PLCG2: variants seen among roughly 807,000 people sequenced by gnomAD.
PLCG2 encodes phospholipase C gamma 2, also known as 1-phosphatidylinositol 4,5-bisphosphate phosphodiesterase gamma-2.
A neutral mutation model predicts 175.6 loss-of-function variants in PLCG2; 69 were observed. The observed-to-expected ratio is 0.39, with a 90% CI of 0.32 to 0.48. The LOEUF is 0.48. PLCG2 is among the 20% of genes least tolerant of loss of function. The pLI is 0.91. For synonymous variants in PLCG2, 827 were observed against 624.0 expected (o/e 1.33, Z -4.85); for missense variants, 1,798 against 1,650.9 (o/e 1.09, Z -1.54).
intron 1 of PLCG2, among the ~76,000 whole-genome samples, chr16:81,747,007 C>A (rs1319299796): frequency 6.6e-6 from 1 of 152,144 alleles, no homozygotes; most frequent in African/African-American, 2.4e-5. Context: ...GTACACCAAC[C>A]ACCTTGCTAG....
chr16:81,780,917 C>A (rs1910699592), intron 1 of PLCG2, among the ~76,000 whole-genome samples: 1 of 152,104 alleles, frequency 6.6e-6, no homozygotes, highest in South Asian at 2.1e-4. Context: ...ATCCCAGCTA[C>A]CCAGGAGGCT....
At chr16:81,760,775 T>C (rs1423731292) in intron 2 of PLCG2, among the ~76,000 whole-genome samples, 1 of 130,066 alleles carries the variant, frequency 7.7e-6, no homozygotes, top group Admixed American at 7.9e-5. Context: ...ATAATAATAA[T>C]AATAATTAGC....
intron 8 of PLCG2, among the ~76,000 whole-genome samples, 198 bp from the exon 9 acceptor site, chr16:81,883,071 G>A (rs946034168): frequency 6.6e-6 from 1 of 152,148 alleles, no homozygotes; most frequent in African/African-American, 2.4e-5. Context: ...TCCGATGTCA[G>A]GGTCCCTCTG....
chr16:81,921,381 G>A, intron 21 of PLCG2, 112 bp downstream of exon 21: 1 of 770,646 alleles, frequency 1.3e-6, no homozygotes, highest in East Asian at 2.6e-5. Flanking sequence ...TGGAAAACCT[G>A]GCCAAAATAA....
At chr16:81,832,695 C>T (rs535668483) in intron 2 of PLCG2, among the ~76,000 whole-genome samples, 2 of 152,362 alleles carry the variant, frequency 1.3e-5, no homozygotes, top group South Asian at 2.1e-4. Context: ...TGAGCCATTG[C>T]GCCCAGGCAG....
intron 2 of PLCG2, among the ~76,000 whole-genome samples, chr16:81,817,545 A>G (rs983617363): frequency 6.6e-6 from 1 of 152,268 alleles, no homozygotes; most frequent in African/African-American, 2.4e-5. Context: ...AGTAAACACA[A>G]GTGATAAAAC....
At position 81,851,345 on chromosome 16, in the gene PLCG2, G is replaced by A. The variant is rs1214228921; in HGVS notation, c.194-3099G>A. ...TTAATGAAACTGCAGATCTTAATTG[G>A]TTTTCACCATTTTTTACATACACTC... is the stretch of plus-strand genomic sequence containing the variant. On this transcript the variant is annotated intron_variant, in intron 2 of 32. Coordinates refer to ENST00000564138, the MANE Select transcript of PLCG2 (RefSeq NM_002661.5). Among the ~76,000 whole-genome samples, 6 of 152,146 alleles carry A rather than the reference G, an allele frequency of 3.9e-5. No individual in the cohort carries two copies. The East Asian group carries it at 1.2e-3, about 29-fold the overall frequency.
At chr16:81,762,160 G>C (rs1910055064) in intron 2 of PLCG2, among the ~76,000 whole-genome samples, 1 of 151,954 alleles carries the variant, frequency 6.6e-6, no homozygotes, top group Admixed American at 6.6e-5. Flanking sequence ...TGTTTGCTTT[G>C]TCACATCTGT....
chr16:81,843,842 G>A (rs973029190), intron 2 of PLCG2, among the ~76,000 whole-genome samples: 4 of 152,260 alleles, frequency 2.6e-5, no homozygotes, highest in African/African-American at 9.6e-5. Context: ...TGGGCAGGAT[G>A]CCGGGTTTGA....
chr16:81,768,445 T>C (rs1373417614), intron 2 of PLCG2, among the ~76,000 whole-genome samples: 1 of 152,092 alleles, frequency 6.6e-6, no homozygotes, highest in African/African-American at 2.4e-5. Context: ...GGTAAGTGAA[T>C]GTTTAACTTT....
chr16:81,938,871 G>A lies in PLCG2; in HGVS notation c.3269G>A (p.Cys1090Tyr), dbSNP rs1427209985. The A allele has an allele frequency of 6.2e-7, 1 of 1,611,256 alleles. No homozygotes were observed. Among genetic ancestry groups the A allele is most frequent in the Non-Finnish European group, 8.5e-7 (1 of 1,178,840 alleles). Residue 1090 changes from cysteine to tyrosine, a missense_variant, in exon 29 of 33, where the codon TGT becomes TAT. Transcript: ENST00000564138. ...TGTCCCTTTGTAGAAGTGGAGATCT[G>A]TGGAGCCGAGTATGACAACAACAAG... ...IACPFVEVEI[C>Y]GAEYDNNKFK... is the part of the protein sequence containing the mutation.
intron 14 of PLCG2, among the ~76,000 whole-genome samples, chr16:81,903,643 G>T (rs1909243576): frequency 6.6e-6 from 1 of 152,182 alleles, no homozygotes; most frequent in Non-Finnish European, 1.5e-5. Flanking sequence ...GTGAAGGCAG[G>T]ATAAGGGGTG....
At chr16:81,926,155 G>T (rs1253882921) in intron 22 of PLCG2, among the ~76,000 whole-genome samples, 1 of 152,238 alleles carries the variant, frequency 6.6e-6, no homozygotes, top group Non-Finnish European at 1.5e-5. Flanking sequence ...GCAGGGGCAT[G>T]ATAGGGACGA....
At chr16:81,880,670 G>C (rs1159142740) in intron 7 of PLCG2, among the ~76,000 whole-genome samples, 2 of 152,208 alleles carry the variant, frequency 1.3e-5, no homozygotes, top group Non-Finnish European at 2.9e-5. Context: ...CCTATGAAAT[G>C]CTTAAGGGTG....
At chr16:81,798,021 G>A (rs1169264596) in intron 2 of PLCG2, among the ~76,000 whole-genome samples, 1 of 151,988 alleles carries the variant, frequency 6.6e-6, no homozygotes, top group Admixed American at 6.6e-5. Context: ...AGTAGAGATG[G>A]GGTTCCACCA....
chr16:81,862,008 C>T (rs528334705), intron 5 of PLCG2, among the ~76,000 whole-genome samples: 84 of 152,374 alleles, frequency 5.5e-4, no homozygotes, highest in African/African-American at 1.9e-3. Context: ...GCCCTGCTCT[C>T]TGTCAACATG....
At chr16:81,849,338 A>G (rs1435884139) in intron 2 of PLCG2, among the ~76,000 whole-genome samples, 1 of 152,192 alleles carries the variant, frequency 6.6e-6, no homozygotes, top group Non-Finnish European at 1.5e-5. Flanking sequence ...TTCCAGAGCA[A>G]TTTCAGAAGT....
At chr16:81,947,380 C>A (rs1276003530) in intron 31 of PLCG2, among the ~76,000 whole-genome samples, 2 of 152,188 alleles carry the variant, frequency 1.3e-5, no homozygotes, top group Admixed American at 6.5e-5. Flanking sequence ...CCACATCTGT[C>A]ACCTGGTTCT....
Position 81,900,596 on chromosome 16 carries a change from C to T in PLCG2, c.1194-16C>T. 1 of 1,580,502 alleles carries T rather than the reference C, an allele frequency of 6.3e-7. No homozygotes were observed. The highest frequency in any genetic ancestry group is 8.7e-7 in the Non-Finnish European group (1 of 1,154,018). On this transcript the variant is annotated splice_polypyrimidine_tract_variant and intron_variant, in intron 13 of 32. Transcript: ENST00000564138. Reference sequence around the variant, plus strand: ...GTGCTCCCCCTGCCGAGCTGCCCACCCTCTTCTGCCTGCAGCTTCCCAGTG... The same window carrying T: ...GTGCTCCCCCTGCCGAGCTGCCCACTCTCTTCTGCCTGCAGCTTCCCAGTG...
Sources: gnomAD v4.1 joint callset for allele counts (sites outside exome capture counted in the v4.1 genomes callset) on GRCh38, gnomAD v4.1.1 for gene constraint, MANE v1.5 for transcripts, NCBI Gene and HGNC (gene_info 2026-07-23, HGNC 2026-07-21) for gene names.